ARK2C: variants seen among roughly 807,000 people sequenced by gnomAD.
ARK2C encodes arkadia (RNF111) C-terminal like ring finger ubiquitin ligase 2C.
chr18:46,356,229 T>A, the ARK2C span, among the ~76,000 whole-genome samples: 3 of 152,238 alleles, frequency 2.0e-5, no homozygotes, highest in Non-Finnish European at 4.4e-5. Flanking sequence ...GCCGACCCTG[T>A]TCCAGGTGTG....
the ARK2C span, among the ~76,000 whole-genome samples, chr18:46,341,335 CG>C: frequency 0.026 from 2,726 of 104,148 alleles, 107 homozygotes; most frequent in African/African-American, 0.095. Context: ...GTGGGACAGG[CG>C]TGGGGGGTAG....
chr18:46,334,571 C>A, the ARK2C span: 3 of 492,270 alleles, frequency 6.1e-6, no homozygotes, highest in Non-Finnish European at 1.1e-5. This position sits in a 1 kb window ranked among gnomAD's most constrained non-coding sequence, Gnocchi z 4.4. Context: ...TCCTCCCCAG[C>A]CCCATTTTTT....
At chr18:46,345,116 C>T in the ARK2C span, among the ~76,000 whole-genome samples, 2 of 138,790 alleles carry the variant, frequency 1.4e-5, no homozygotes, top group African/African-American at 3.5e-5. Context: ...GGGGTGCCTG[C>T]GATGCAGGGC....
the ARK2C span, among the ~76,000 whole-genome samples, chr18:46,340,066 C>T: frequency 6.6e-6 from 1 of 152,214 alleles, no homozygotes; most frequent in African/African-American, 2.4e-5. Flanking sequence ...CTTTGGTTCC[C>T]TCAATCCTAC....
At chr18:46,413,828 C>T in the ARK2C span, among the ~76,000 whole-genome samples, 1 of 152,260 alleles carries the variant, frequency 6.6e-6, no homozygotes, top group South Asian at 2.1e-4. Context: ...AAAAACACTC[C>T]TCCCCCTGCC....
the ARK2C span, among the ~76,000 whole-genome samples, chr18:46,342,820 A>T: frequency 7.9e-3 from 1,202 of 152,378 alleles, 15 homozygotes; most frequent in African/African-American, 0.028. Context: ...AAGGAAAAAA[A>T]ACCTCATAGG....
the ARK2C span, among the ~76,000 whole-genome samples, chr18:46,374,548 G>A: frequency 6.6e-6 from 1 of 152,192 alleles, no homozygotes; most frequent in Non-Finnish European, 1.5e-5. Flanking sequence ...TTTCATTCAG[G>A]AGAACGTCTT....
At chr18:46,413,666 A>T in the ARK2C span, among the ~76,000 whole-genome samples, 3 of 152,094 alleles carry the variant, frequency 2.0e-5, no homozygotes, top group Non-Finnish European at 2.9e-5. Flanking sequence ...GTGGGAGATG[A>T]GAAAGGGCAG....
the ARK2C span, among the ~76,000 whole-genome samples, chr18:46,345,085 G>GCAGGGGTGCCTGGGAT: frequency 3.9e-5 from 6 of 152,080 alleles, no homozygotes; most frequent in African/African-American, 1.2e-4. Context: ...GCTGCTTCGG[G>GCAGGGGTGCCTGGGAT]GCAGGGGTGC....
At chr18:46,375,990 A>G in the ARK2C span, among the ~76,000 whole-genome samples, 3 of 152,204 alleles carry the variant, frequency 2.0e-5, no homozygotes, top group East Asian at 3.8e-4. Context: ...GAAGTGGATG[A>G]TAATAGCTCA....
At chr18:46,366,258 C>G in the ARK2C span, among the ~76,000 whole-genome samples, 1 of 141,902 alleles carries the variant, frequency 7.0e-6, no homozygotes, top group Non-Finnish European at 1.5e-5. Flanking sequence ...CGCCAGTGCA[C>G]TCCAGCCTGG....
At chr18:46,389,653 C>G in the ARK2C span, among the ~76,000 whole-genome samples, 1 of 152,194 alleles carries the variant, frequency 6.6e-6, no homozygotes, top group Admixed American at 6.5e-5. Context: ...CTTGGGCCCA[C>G]CCGGGAGCTG....
the ARK2C span, chr18:46,456,684 C>G: frequency 7.5e-7 from 1 of 1,338,510 alleles, no homozygotes; most frequent in Non-Finnish European, 1.1e-6. Context: ...CAGGTCCCCC[C>G]ACGGCCATAG....
chr18:46,372,674 G>T, the ARK2C span, among the ~76,000 whole-genome samples: 2 of 152,322 alleles, frequency 1.3e-5, no homozygotes, highest in African/African-American at 4.8e-5. Flanking sequence ...GGGCAGAGAC[G>T]CAGGAGGAGG....
the ARK2C span, among the ~76,000 whole-genome samples, chr18:46,397,733 GA>G: frequency 7.4e-6 from 1 of 135,362 alleles, no homozygotes. Flanking sequence ...GTGTGTGTGT[GA>G]TCATGCTGAG....
chr18:46,402,672 T>C, the ARK2C span, among the ~76,000 whole-genome samples: 1 of 152,170 alleles, frequency 6.6e-6, no homozygotes, highest in East Asian at 1.9e-4. Context: ...TGGATAATTT[T>C]TTATTTTTTG....
the ARK2C span, among the ~76,000 whole-genome samples, chr18:46,425,158 C>T: frequency 6.6e-6 from 1 of 152,218 alleles, no homozygotes; most frequent in Non-Finnish European, 1.5e-5. Context: ...AGTAGCTGAG[C>T]ACAGCGGGAA....
At chr18:46,405,739 G>C in the ARK2C span, among the ~76,000 whole-genome samples, 1 of 152,068 alleles carries the variant, frequency 6.6e-6, no homozygotes, top group Non-Finnish European at 1.5e-5. Context: ...ATCCAGGATG[G>C]GTTGAATATG....
the ARK2C span, among the ~76,000 whole-genome samples, chr18:46,408,812 G>A: frequency 6.6e-6 from 1 of 152,152 alleles, no homozygotes; most frequent in African/African-American, 2.4e-5. Context: ...GGTGTCAAAA[G>A]ACTTTGAGCT....
Sources: gnomAD v4.1 joint callset for allele counts (sites outside exome capture counted in the v4.1 genomes callset) on GRCh38, gnomAD v4.1.1 for gene constraint, Gnocchi (gnomAD v3.1) non-coding constraint, MANE v1.5 for transcripts, NCBI Gene and HGNC (gene_info 2026-07-23, HGNC 2026-07-21) for gene names.